The following WDPCP variants were observed in gnomAD, a reference collection of about 807,000 sequenced individuals.
WDPCP encodes WD repeat containing planar cell polarity effector, also known as WD repeat-containing and planar cell polarity effector protein fritz homolog.
A neutral mutation model predicts 93.1 loss-of-function variants in WDPCP; 71 were observed. That is an observed-to-expected ratio of 0.76 (90% CI 0.63 to 0.93). The LOEUF (loss-of-function observed/expected upper bound fraction) is 0.93, where lower values mean the gene tolerates loss of function less well. WDPCP is among the 40% of genes least tolerant of loss of function. WDPCP has a pLI of 0.00. For synonymous variants in WDPCP, 315 were observed against 315.0 expected, an observed-to-expected ratio of 1.00 and a Z score of 0.00; for missense variants, 844 against 887.4, an observed-to-expected ratio of 0.95 and a Z score of 0.62.
In WDPCP at chr2:63,237,705, A is replaced by G. The variant is rs566535371; in HGVS notation, c.1915+21602T>C. On this transcript the variant is annotated intron_variant, in intron 14 of 17. Coordinates refer to ENST00000272321, the MANE Select transcript of WDPCP (RefSeq NM_015910.7). ...CATGGATGCAACTGGAGGCATTATC[A>G]TAAGTGAAATAATGCAGAAACAGAA... Among the ~76,000 whole-genome samples the G allele has an allele frequency of 8.5e-5, 13 of 152,308 alleles. 1 individual carries two copies. The South Asian group carries it at 2.5e-3, about 29-fold the overall frequency.
intron 3 of WDPCP, among the ~76,000 whole-genome samples, chr2:63,600,560 G>T (rs1296501769): frequency 6.6e-6 from 1 of 152,164 alleles, no homozygotes; most frequent in Non-Finnish European, 1.5e-5. Context: ...GATTAAATAA[G>T]ATCTGTTTTA....
chr2:63,768,512 T>C (rs576205558), intron 2 of WDPCP, among the ~76,000 whole-genome samples: 1 of 152,170 alleles, frequency 6.6e-6, no homozygotes, highest in South Asian at 2.1e-4. Context: ...AAGTCTTCAA[T>C]CATTTGGGTA....
At chr2:63,610,537 G>A (rs1187204129) in intron 3 of WDPCP, among the ~76,000 whole-genome samples, 1 of 151,116 alleles carries the variant, frequency 6.6e-6, no homozygotes, top group Non-Finnish European at 1.5e-5. Flanking sequence ...ATCCTTACAG[G>A]GAAAAAAATA....
At chr2:63,809,659 A>G (rs1471901144) in intron 2 of WDPCP, among the ~76,000 whole-genome samples, 6 of 151,970 alleles carry the variant, frequency 3.9e-5, no homozygotes, top group South Asian at 4.1e-4. Flanking sequence ...ACTCAGGGTT[A>G]AATGGATTAA....
chr2:63,559,538 C>G (rs1706419807), intron 1 of WDPCP, among the ~76,000 whole-genome samples: 2 of 152,116 alleles, frequency 1.3e-5, no homozygotes, highest in Non-Finnish European at 2.9e-5. Flanking sequence ...CACCTCAGCC[C>G]AAAAGTGTCT....
chr2:63,617,126 G>A (rs572811475), intron 3 of WDPCP, among the ~76,000 whole-genome samples: 1 of 152,168 alleles, frequency 6.6e-6, no homozygotes, highest in African/African-American at 2.4e-5. Context: ...AGCCATTCAA[G>A]ACACAGAATA....
At position 63,121,380 on chromosome 2, in the gene WDPCP, C is replaced by CTTTTTTTTTTTTTT. The variant is rs139878372; in HGVS notation, c.*612_*625dup. On this transcript the variant is annotated 3_prime_UTR_variant, in exon 18 of 18. Transcript: ENST00000272321. ...AGGACTTTCTTTCTTTCTTTTCTTT[C>CTTTTTTTTTTTTTT]TTTTTTTTTTTTTTTTTTTTTGGAG... 1 of 87,332 alleles carries CTTTTTTTTTTTTTT rather than the reference C, an allele frequency of 1.1e-5. No individual in the cohort carries two copies. Among genetic ancestry groups the CTTTTTTTTTTTTTT allele is most frequent in the East Asian group, 3.2e-4 (1 of 3,126 alleles). The allele number at this position is 87,332 out of a possible 1,614,324, so 5.4% of individuals were successfully genotyped here. A position where few individuals can be genotyped will look rare whatever the true frequency, so the allele number is the denominator to read the frequency against.
chr2:63,616,560 A>G (rs1172270266), intron 3 of WDPCP, among the ~76,000 whole-genome samples: 1 of 152,228 alleles, frequency 6.6e-6, no homozygotes, highest in Non-Finnish European at 1.5e-5. Context: ...TAAGAAATAT[A>G]AAACAAAAAC....
intron 12 of WDPCP, among the ~76,000 whole-genome samples, chr2:63,351,754 T>C (rs971231586): frequency 2.6e-5 from 4 of 152,196 alleles, no homozygotes; most frequent in Admixed American, 1.3e-4. Flanking sequence ...GTCTTTTTGG[T>C]AGAATGATTT....
chr2:63,363,557 C>G (rs1436889175), intron 12 of WDPCP, among the ~76,000 whole-genome samples: 1 of 151,972 alleles, frequency 6.6e-6, no homozygotes, highest in Non-Finnish European at 1.5e-5. Context: ...ATGAACAGGC[C>G]ACTGCACTCC....
chr2:63,642,178 C>G (rs986943386), intron 3 of WDPCP, among the ~76,000 whole-genome samples: 3 of 152,038 alleles, frequency 2.0e-5, no homozygotes, highest in Non-Finnish European at 4.4e-5. Context: ...GTTTTGTTTA[C>G]TATAGCGCTG....
intron 13 of WDPCP, among the ~76,000 whole-genome samples, chr2:63,292,724 A>T (rs187411235): frequency 7.0e-4 from 107 of 152,340 alleles, no homozygotes; most frequent in Non-Finnish European, 1.2e-3. Flanking sequence ...CTGAACACTG[A>T]TCTCTGGGAA....
At chr2:63,496,564 C>T (rs1364502454) in intron 1 of WDPCP, among the ~76,000 whole-genome samples, 2 of 152,148 alleles carry the variant, frequency 1.3e-5, no homozygotes, top group Non-Finnish European at 2.9e-5. Context: ...ATGGGAAATC[C>T]TGAGCATAGT....
chr2:63,758,597 G>A (rs1254255824), intron 2 of WDPCP, among the ~76,000 whole-genome samples: 1 of 151,774 alleles, frequency 6.6e-6, no homozygotes, highest in Non-Finnish European at 1.5e-5. Context: ...TGCCACCACG[G>A]CTGGCTAATT....
chr2:63,647,118 C>T (rs1575738028), intron 3 of WDPCP, among the ~76,000 whole-genome samples: 2 of 151,840 alleles, frequency 1.3e-5, no homozygotes, highest in East Asian at 1.9e-4. Context: ...CCTTTTGTCT[C>T]CTCTGATCAT....
At chr2:63,630,098 G>A in intron 3 of WDPCP, among the ~76,000 whole-genome samples, 1 of 152,066 alleles carries the variant, frequency 6.6e-6, no homozygotes, top group East Asian at 1.9e-4. Context: ...TAAGTGATGT[G>A]CAATATCTAC....
intron 2 of WDPCP, among the ~76,000 whole-genome samples, chr2:63,686,927 CT>C (rs1277804984): frequency 7.9e-5 from 12 of 151,374 alleles, no homozygotes; most frequent in Admixed American, 3.3e-4. Context: ...AGATAGACCC[CT>C]ATCTCTTGCC....
intron 12 of WDPCP, 195 bp downstream of exon 12, chr2:63,378,191 C>A: frequency 1.4e-6 from 1 of 731,330 alleles, no homozygotes. Context: ...TATAAAACCC[C>A]CAAATAATAT....
chr2:63,568,672 T>C (rs1034534830), intron 1 of WDPCP, among the ~76,000 whole-genome samples: 1 of 152,162 alleles, frequency 6.6e-6, no homozygotes, highest in Non-Finnish European at 1.5e-5. Context: ...ACATTTTGTA[T>C]TTGTCCCGAC....
Sources: gnomAD v4.1 joint callset for allele counts (sites outside exome capture counted in the v4.1 genomes callset) on GRCh38, gnomAD v4.1.1 for gene constraint, MANE v1.5 for transcripts, NCBI Gene and HGNC (gene_info 2026-07-23, HGNC 2026-07-21) for gene names.